The following ATRNL1 variants were observed in gnomAD, a reference collection of about 807,000 sequenced individuals.
The protein encoded by ATRNL1 is attractin-like protein 1.
In ATRNL1, 95 loss-of-function variants were observed where a neutral mutation model predicts 182.7. The ratio of observed to expected loss-of-function variants is 0.52; its 90% CI spans 0.44 to 0.62. ATRNL1 has a LOEUF of 0.62. ATRNL1 is among the 20% of genes least tolerant of loss of function. The probability of loss-of-function intolerance (pLI) is 0.00; values close to 1 mark genes in which losing one functional copy is unlikely to be tolerated. For missense variants in ATRNL1, 1,471 were observed against 1,679.5 expected, an observed-to-expected ratio of 0.88 and a Z score of 2.17; for synonymous variants, 576 against 568.3, an observed-to-expected ratio of 1.01 and a Z score of -0.19.
rs1019587529 is a variant in ATRNL1, at chr10:115,446,378, C to T, written c.3323-15563C>T. On this transcript the variant is annotated intron_variant, in intron 21 of 28. Transcript: ENST00000355044. Reference sequence around the variant, plus strand: ...ATTACATTATTACTTTTTTGTTCTTCCTTTTGTAATTTATTTAGCTCTCTT... The same window carrying T: ...ATTACATTATTACTTTTTTGTTCTTTCTTTTGTAATTTATTTAGCTCTCTT... Among the ~76,000 whole-genome samples, 13 of 151,976 alleles carry T rather than the reference C, an allele frequency of 8.6e-5. No individual in the cohort carries two copies. The East Asian group carries it at 2.1e-3, about 25-fold the overall frequency.
At chr10:115,943,540 T>C (rs1190342796) in intron 28 of ATRNL1, among the ~76,000 whole-genome samples, 5 of 151,690 alleles carry the variant, frequency 3.3e-5, no homozygotes, top group Admixed American at 6.6e-5. Context: ...GGTGAGGTTG[T>C]GAAGCAACAA....
At chr10:115,194,044 G>T (rs1481240224) in intron 8 of ATRNL1, among the ~76,000 whole-genome samples, 4 of 151,840 alleles carry the variant, frequency 2.6e-5, no homozygotes, top group African/African-American at 9.7e-5. Context: ...TTCTGTTGTG[G>T]TCAGATGAGA....
chr10:115,330,190 C>T (rs2134061208), intron 18 of ATRNL1, among the ~76,000 whole-genome samples: 1 of 152,216 alleles, frequency 6.6e-6, no homozygotes. Flanking sequence ...CTACATTTTG[C>T]ATTTTTGATG....
chr10:115,918,337 A>C (rs1373648835), intron 28 of ATRNL1, among the ~76,000 whole-genome samples: 1 of 152,080 alleles, frequency 6.6e-6, no homozygotes, highest in Non-Finnish European at 1.5e-5. Flanking sequence ...TCCTGACCAA[A>C]GGTAATCCGC....
chr10:115,804,744 A>G, intron 27 of ATRNL1, among the ~76,000 whole-genome samples: 1 of 152,214 alleles, frequency 6.6e-6, no homozygotes, highest in East Asian at 1.9e-4. Context: ...AACATCACGT[A>G]GTGGAGGTAG....
intron 8 of ATRNL1, among the ~76,000 whole-genome samples, chr10:115,207,982 G>A (rs1480934285): frequency 6.6e-6 from 1 of 151,848 alleles, no homozygotes; most frequent in Non-Finnish European, 1.5e-5. Context: ...TATCACTCTG[G>A]ATTAGGCTGC....
At chr10:115,591,182 A>G (rs1382100007) in intron 26 of ATRNL1, among the ~76,000 whole-genome samples, 3 of 152,202 alleles carry the variant, frequency 2.0e-5, no homozygotes, top group African/African-American at 7.2e-5. Context: ...CATAGTAGCA[A>G]TATCTTGAGA....
intron 28 of ATRNL1, among the ~76,000 whole-genome samples, chr10:115,914,768 T>C (rs1952793830): frequency 6.6e-6 from 1 of 152,192 alleles, no homozygotes; most frequent in Non-Finnish European, 1.5e-5. Flanking sequence ...ATAAGGGAAA[T>C]GAGTATGGGC....
At chr10:115,803,902 G>A (rs190982431) in intron 27 of ATRNL1, among the ~76,000 whole-genome samples, 2 of 152,272 alleles carry the variant, frequency 1.3e-5, no homozygotes, top group East Asian at 1.9e-4. Flanking sequence ...TACGCATAAA[G>A]ATGACGAGAT....
At chr10:115,492,908 A>T (rs1849376689) in intron 24 of ATRNL1, among the ~76,000 whole-genome samples, 1 of 151,856 alleles carries the variant, frequency 6.6e-6, no homozygotes, top group Non-Finnish European at 1.5e-5. Context: ...CTCCCAAAGT[A>T]CAGGGATTAC....
chr10:115,931,563 C>T (rs1422946906), intron 28 of ATRNL1, among the ~76,000 whole-genome samples: 1 of 152,144 alleles, frequency 6.6e-6, no homozygotes, highest in Non-Finnish European at 1.5e-5. Flanking sequence ...GAAGATCTTG[C>T]TTTAATCAGC....
Position 115,791,378 on chromosome 10 carries a change from C to T in ATRNL1, c.3904-56499C>T, listed in dbSNP as rs115077071. On this transcript the variant is annotated intron_variant, in intron 27 of 28. Coordinates refer to ENST00000355044, the MANE Select transcript of ATRNL1 (RefSeq NM_207303.4). ...GGAGAGTGTACAAAATACATATGCA[C>T]AGTTTAGAACAAACACCTGGGTAAG... Among the ~76,000 whole-genome samples the T allele has an allele frequency of 1.0e-2, 1,519 of 152,242 alleles. 31 individuals carry two copies. Among genetic ancestry groups the T allele is most frequent in the African/African-American group, 0.035 (1,437 of 41,550 alleles).
At chr10:115,259,081 C>A (rs2133864974) in intron 10 of ATRNL1, among the ~76,000 whole-genome samples, 1 of 152,288 alleles carries the variant, frequency 6.6e-6, no homozygotes, top group South Asian at 2.1e-4. Context: ...GGGTCAGGGA[C>A]CCACTTGAGG....
At chr10:115,375,760 T>C (rs912076902) in intron 19 of ATRNL1, among the ~76,000 whole-genome samples, 4 of 152,110 alleles carry the variant, frequency 2.6e-5, no homozygotes, top group African/African-American at 9.6e-5. Context: ...TTTTATGTAA[T>C]TGATGTCAAC....
chr10:115,496,120 C>A (rs532382393), intron 24 of ATRNL1, among the ~76,000 whole-genome samples: 1 of 152,238 alleles, frequency 6.6e-6, no homozygotes, highest in East Asian at 1.9e-4. Flanking sequence ...TTTGTTTTGT[C>A]TGCAACTATA....
chr10:115,100,258 A>G (rs782762641), intron 1 of ATRNL1, among the ~76,000 whole-genome samples: 2 of 152,148 alleles, frequency 1.3e-5, no homozygotes, highest in Non-Finnish European at 2.9e-5. Context: ...TGATTGTGTC[A>G]CTGTACTCCA....
rs148415762 is a variant in ATRNL1, at chr10:115,697,848, T to G, written c.3796-29400T>G. On this transcript the variant is annotated intron_variant, in intron 26 of 28. Coordinates refer to ENST00000355044, the MANE Select transcript of ATRNL1 (RefSeq NM_207303.4). ...TTTGACCGTGTCTTTGCTACTATCC[T>G]GTACTTGGCTGTCCTTTCTGTTGTA... Among the ~76,000 whole-genome samples, 642 of 152,270 alleles carry G rather than the reference T, an allele frequency of 4.2e-3. 3 individuals carry two copies. Among genetic ancestry groups the G allele is most frequent in the African/African-American group, 0.014 (565 of 41,562 alleles).
At chr10:115,582,924 A>C (rs1401712108) in intron 26 of ATRNL1, among the ~76,000 whole-genome samples, 9 of 149,190 alleles carry the variant, frequency 6.0e-5, no homozygotes, top group Admixed American at 2.0e-4. Context: ...ATTTTTGTAT[A>C]AGGTGTAAGG....
chr10:115,207,851 C>A (rs922895517), intron 8 of ATRNL1, among the ~76,000 whole-genome samples: 3 of 151,886 alleles, frequency 2.0e-5, no homozygotes, highest in African/African-American at 7.2e-5. Context: ...CCATCCCGAT[C>A]TTGTGTGTAT....
Sources: allele counts gnomAD v4.1 joint callset (sites outside exome capture counted in the v4.1 genomes callset), GRCh38; gene constraint gnomAD v4.1.1; transcripts MANE v1.5; gene names NCBI Gene and HGNC (gene_info 2026-07-23, HGNC 2026-07-21).